Variants in LEPROT observed in about 807,000 individuals in gnomAD.
The protein encoded by LEPROT is leptin receptor overlapping transcript, also known as leptin receptor gene-related protein.
Under a neutral mutation model 15.4 loss-of-function variants are expected in LEPROT, and 3 were observed. The observed-to-expected ratio is 0.19, with a 90% CI of 0.09 to 0.50. The LOEUF is 0.50. Ranked by LOEUF, LEPROT falls within the 20% of genes least tolerant of loss-of-function variation. The pLI is 0.97. For missense variants in LEPROT, 137 were observed against 162.2 expected, an observed-to-expected ratio of 0.84 and a Z score of 0.84; for synonymous variants, 59 against 57.5, an observed-to-expected ratio of 1.03 and a Z score of -0.12.
chr1:65,433,420 AAGATCTATTG>A lies in LEPROT; in HGVS notation c.*1505_*1514del. On this transcript the variant is annotated 3_prime_UTR_variant, in exon 4 of 4. Coordinates refer to ENST00000371065, the MANE Select transcript of LEPROT (RefSeq NM_017526.5). ...GTTTTCCCTGCTCACCTTTTTGTCT[AAGATCTATTG>A]AGAAAGGGAAATATGGGAAGGAGAA... 27 of 985,412 alleles carry A rather than the reference AAGATCTATTG, an allele frequency of 2.7e-5. No homozygotes were observed. The highest frequency in any genetic ancestry group is 3.3e-5 in the Non-Finnish European group (27 of 829,920). The allele number at this position is 985,412 out of a possible 1,614,324, so 61.0% of individuals were successfully genotyped here.
intron 2 of LEPROT, among the ~76,000 whole-genome samples, chr1:65,426,999 A>G (rs79977918): frequency 1.9e-5 from 1 of 52,106 alleles, no homozygotes; most frequent in African/African-American, 8.5e-5. Flanking sequence ...TTTGTCTCCA[A>G]AAAAAAAAAA....
At chr1:65,431,692 C>T in intron 3 of LEPROT, 111 bp from the exon 4 acceptor site, 1 of 1,115,878 alleles carries the variant, frequency 9.0e-7, no homozygotes, top group Non-Finnish European at 1.3e-6. Context: ...AGCCTTTTAG[C>T]AGCTTTGTGT....
intron 2 of LEPROT, 142 bp from the exon 3 acceptor site, chr1:65,429,720 T>G: frequency 1.5e-6 from 1 of 672,628 alleles, no homozygotes; most frequent in Non-Finnish European, 2.3e-6. Flanking sequence ...GTAGAAATCA[T>G]CTTATGTTCT....
Position 65,423,071 on chromosome 1 carries a change from A to G in LEPROT, c.17-2232A>G, listed in dbSNP as rs796839283. On this transcript the variant is annotated intron_variant, in intron 1 of 3. Transcript: ENST00000371065. Reference sequence around the variant, plus strand: ...GCAATCATGGTGTCAGTCCTCTAAGATAGGACCTTTAAAGTGTAGGGATAG... The same window carrying G: ...GCAATCATGGTGTCAGTCCTCTAAGGTAGGACCTTTAAAGTGTAGGGATAG... Among the ~76,000 whole-genome samples the G allele has an allele frequency of 2.0e-5, 3 of 152,274 alleles. No homozygotes were observed. In the South Asian group the frequency reaches 6.2e-4, roughly 32 times the overall value.
chr1:65,425,251 G>T (rs1646337634), intron 1 of LEPROT, 52 bp from the exon 2 acceptor site: 1 of 1,522,704 alleles, frequency 6.6e-7, no homozygotes, highest in African/African-American at 1.4e-5. Context: ...ACCCTCTAGT[G>T]CCTGACAACC....
At chr1:65,426,127 G>T (rs996358472) in intron 2 of LEPROT, among the ~76,000 whole-genome samples, 7 of 134,164 alleles carry the variant, frequency 5.2e-5, no homozygotes, top group African/African-American at 2.7e-4. Flanking sequence ...CCTCTCAGAG[G>T]AGGTAAAAAG....
intron 2 of LEPROT, among the ~76,000 whole-genome samples, chr1:65,428,571 C>A (rs1646424575): frequency 6.6e-6 from 1 of 152,132 alleles, no homozygotes; most frequent in South Asian, 2.1e-4. Context: ...TCCCTTCTTG[C>A]CTTTTGGTTG....
chr1:65,427,209 A>G (rs541731844), intron 2 of LEPROT, among the ~76,000 whole-genome samples: 1 of 152,274 alleles, frequency 6.6e-6, no homozygotes, highest in African/African-American at 2.4e-5. Context: ...GTAATACGGT[A>G]TTATTATCCT....
chr1:65,432,241 G>C lies in LEPROT; in HGVS notation c.*322G>C. On this transcript the variant is annotated 3_prime_UTR_variant, in exon 4 of 4. Transcript: ENST00000371065. ...AGTGCATCGAAACCTTTTGCTTGGG[G>C]ATGTGCTTGGAGAGGCAGATAACGC... 1 of 1,013,248 alleles carries C rather than the reference G, an allele frequency of 9.9e-7. No individual in the cohort carries two copies. Among genetic ancestry groups the C allele is most frequent in the Non-Finnish European group, 1.2e-6 (1 of 847,658 alleles). 62.8% of individuals were successfully genotyped at this position (1,013,248 alleles called of 1,614,324 possible).
chr1:65,430,046 G>A lies in LEPROT; in HGVS notation c.277G>A (p.Val93Met), dbSNP rs1158713575. The change falls in exon 3 of 4, where the codon GTG (valine) becomes ATG (methionine). Residue 93 changes from valine to methionine, a missense_variant and splice_region_variant. Physicochemically the swap from Val to Met is conservative, Grantham distance 21 (BLOSUM62 1). Transcript: ENST00000371065. ...TCCTGTTATTCTTGCTCGTGTGGCT[G>A]TGGTAAGTTTTATTTTCTATTGTTT... ...GFPVILARVA[V>M]IKWGACGLVL... The A allele has an allele frequency of 1.5e-5, 23 of 1,556,690 alleles. No homozygotes were observed. Among genetic ancestry groups the A allele is most frequent in the Non-Finnish European group, 1.9e-5 (22 of 1,138,044 alleles).
rs2100255204 is a variant in LEPROT at position 65,435,942 on chromosome 1, T to C, written c.*4023T>C. 2.0e-6 allele frequency: 2 copies of C among 985,342 alleles called. No individual in the cohort carries two copies. Among genetic ancestry groups the C allele is most frequent in the Non-Finnish European group, 2.4e-6 (2 of 829,822 alleles). The allele number at this position is 985,342 out of a possible 1,614,324, so 61.0% of individuals were successfully genotyped here. On this transcript the variant is annotated 3_prime_UTR_variant, in exon 4 of 4. Transcript: ENST00000371065. ...GCTACCAGCGTACAACAGTGATACATGTAACCCCAAATGTGATGTGAGAGG... is the reference window on the plus strand; with the variant it reads ...GCTACCAGCGTACAACAGTGATACACGTAACCCCAAATGTGATGTGAGAGG...
At position 65,425,299 on chromosome 1, in the gene LEPROT, A is replaced by C; in HGVS notation, c.17-4A>C. ...ACTTTAACTTTTGGCTTTATTTTTCACAGCTCTCGTGGCATTATCCTTCAG... is the reference window on the plus strand; with the variant it reads ...ACTTTAACTTTTGGCTTTATTTTTCCCAGCTCTCGTGGCATTATCCTTCAG... On this transcript the variant is annotated splice_region_variant and splice_polypyrimidine_tract_variant and intron_variant, in intron 1 of 3. Transcript: ENST00000371065. 1 of 1,612,264 alleles carries C rather than the reference A, an allele frequency of 6.2e-7. No homozygotes were observed. The highest frequency in any genetic ancestry group is 8.5e-7 in the Non-Finnish European group (1 of 1,179,514).
intron 1 of LEPROT, 35 bp from the exon 2 acceptor site, chr1:65,425,268 G>T: frequency 6.3e-7 from 1 of 1,597,658 alleles, no homozygotes; most frequent in Non-Finnish European, 8.6e-7. Flanking sequence ...AACCTCTACT[G>T]TGGGAACTTT....
Position 65,433,897 on chromosome 1 carries a change from T to C in LEPROT, c.*1978T>C, listed in dbSNP as rs968647042. The C allele has an allele frequency of 2.0e-5, 20 of 985,200 alleles. 1 individual carries two copies. In the African/African-American group the frequency reaches 3.3e-4, roughly 16 times the overall value. The allele number at this position is 985,200 out of a possible 1,614,324, so 61.0% of individuals were successfully genotyped here. On this transcript the variant is annotated 3_prime_UTR_variant, in exon 4 of 4. Transcript: ENST00000371065. ...CTTGATGTTTTAAAATGGGCAGTTT[T>C]GAGCAATAATCTGTCCTAACAGAAC...
At chr1:65,430,850 A>C (rs996148711) in intron 3 of LEPROT, among the ~76,000 whole-genome samples, 1 of 152,226 alleles carries the variant, frequency 6.6e-6, no homozygotes, top group Admixed American at 6.5e-5. Flanking sequence ...TCAGAATGCC[A>C]TAGGGGCACC....
intron 1 of LEPROT, among the ~76,000 whole-genome samples, chr1:65,421,123 A>T (rs1252677828): frequency 6.6e-6 from 1 of 152,172 alleles, no homozygotes; most frequent in African/African-American, 2.4e-5. Flanking sequence ...CCTATTTGCC[A>T]CAAAGGACCC....
At chr1:65,421,559 C>A in intron 1 of LEPROT, 1 of 1,358,034 alleles carries the variant, frequency 7.4e-7, no homozygotes, top group Non-Finnish European at 1.0e-6. Context: ...CAAAGATATC[C>A]CCAGTTAACA....
chr1:65,421,489 G>C (rs1194675755), intron 1 of LEPROT: 13 of 1,535,760 alleles, frequency 8.5e-6, no homozygotes, highest in Non-Finnish European at 1.1e-5. Context: ...CTAATCTGTC[G>C]AATAGAGTAG....
Position 65,433,873 on chromosome 1 carries a change from T to C in LEPROT, c.*1954T>C, listed in dbSNP as rs1453802045. The C allele has an allele frequency of 1.0e-6, 1 of 985,244 alleles. No individual in the cohort carries two copies. Among genetic ancestry groups the C allele is most frequent in the Non-Finnish European group, 1.2e-6 (1 of 829,848 alleles). The allele number at this position is 985,244 out of a possible 1,614,324, so 61.0% of individuals were successfully genotyped here. ...AAGATAACAAAAATGAGAGAATTTC[T>C]TGATGTTTTAAAATGGGCAGTTTTG... On this transcript the variant is annotated 3_prime_UTR_variant, in exon 4 of 4. Transcript: ENST00000371065.
Sources: gnomAD v4.1 joint callset for allele counts (sites outside exome capture counted in the v4.1 genomes callset) on GRCh38, gnomAD v4.1.1 for gene constraint, MANE v1.5 for transcripts, NCBI Gene and HGNC (gene_info 2026-07-23, HGNC 2026-07-21) for gene names.